SLC35F1: variants seen among roughly 807,000 people sequenced by gnomAD.
The protein encoded by SLC35F1 is solute carrier family 35 member F1.
Under a neutral mutation model 48.7 loss-of-function variants are expected in SLC35F1, and 14 were observed. The ratio of observed to expected loss-of-function variants is 0.29; its 90% CI spans 0.19 to 0.45. The LOEUF is 0.45. SLC35F1 is among the 20% of genes least tolerant of loss of function. SLC35F1 has a pLI of 1.00. For synonymous variants in SLC35F1, 190 were observed against 202.2 expected (o/e 0.94, Z 0.51); for missense variants, 404 against 500.0 (o/e 0.81, Z 1.83).
chr6:117,919,190 C>T (rs991525410), intron 1 of SLC35F1, among the ~76,000 whole-genome samples: 3 of 152,138 alleles, frequency 2.0e-5, no homozygotes, highest in Admixed American at 6.5e-5. Context: ...GCCATCACAC[C>T]TGGTGATGAG....
intron 2 of SLC35F1, among the ~76,000 whole-genome samples, chr6:118,235,168 G>A (rs1775346056): frequency 6.6e-6 from 1 of 152,134 alleles, no homozygotes; most frequent in South Asian, 2.1e-4. Flanking sequence ...GGAATGTTGT[G>A]TTTATGCAGC....
chr6:118,095,925 T>C (rs1216198304), intron 1 of SLC35F1, among the ~76,000 whole-genome samples: 3 of 152,176 alleles, frequency 2.0e-5, no homozygotes, highest in African/African-American at 7.2e-5. Context: ...CTTTGACTTG[T>C]CTTCATTATT....
chr6:118,034,472 C>T (rs980004930), intron 1 of SLC35F1, among the ~76,000 whole-genome samples: 6 of 152,026 alleles, frequency 3.9e-5, no homozygotes, highest in East Asian at 1.9e-4. Context: ...GAAGAAGAAT[C>T]GCTTGAACCT....
chr6:117,922,579 T>G (rs1289798090), intron 1 of SLC35F1, among the ~76,000 whole-genome samples: 1 of 152,228 alleles, frequency 6.6e-6, no homozygotes, highest in Non-Finnish European at 1.5e-5. Flanking sequence ...ATTTAGTTAA[T>G]CAGTTATTAT....
At position 118,299,391 on chromosome 6, in the gene SLC35F1, C is replaced by T. The variant is rs960817304; in HGVS notation, c.1002+14053C>T. ...CCAGCTCCACTTCCTACCAATGGGT[C>T]CATAAATTTGTTGTGCCATGGCTCA... On this transcript the variant is annotated intron_variant, in intron 7 of 7. Transcript: ENST00000360388. Among the ~76,000 whole-genome samples the T allele has an allele frequency of 3.9e-5, 6 of 152,060 alleles. No individual in the cohort carries two copies. In the East Asian group the frequency reaches 9.6e-4, roughly 24 times the overall value.
intron 1 of SLC35F1, among the ~76,000 whole-genome samples, chr6:118,002,165 G>A (rs573260632): frequency 4.0e-5 from 6 of 150,340 alleles, no homozygotes; most frequent in East Asian, 1.9e-4. Flanking sequence ...TGTTTATTGC[G>A]GCACTATTCA....
intron 1 of SLC35F1, among the ~76,000 whole-genome samples, chr6:117,927,425 C>A (rs562416104): frequency 6.6e-6 from 1 of 152,222 alleles, no homozygotes; most frequent in South Asian, 2.1e-4. Flanking sequence ...AAGTAAAAAT[C>A]AAGACAAAAC....
At chr6:117,929,121 C>G (rs1287465378) in intron 1 of SLC35F1, among the ~76,000 whole-genome samples, 1 of 151,984 alleles carries the variant, frequency 6.6e-6, no homozygotes, top group African/African-American at 2.4e-5. Flanking sequence ...TTCCTTTTGA[C>G]CAACTCTTCT....
chr6:118,152,019 G>A (rs978300308), intron 1 of SLC35F1, among the ~76,000 whole-genome samples: 1 of 152,164 alleles, frequency 6.6e-6, no homozygotes, highest in East Asian at 1.9e-4. Context: ...CATGGTACAG[G>A]CATCACAGTC....
intron 1 of SLC35F1, among the ~76,000 whole-genome samples, chr6:118,116,415 A>T (rs1773477034): frequency 6.6e-6 from 1 of 152,220 alleles, no homozygotes; most frequent in Non-Finnish European, 1.5e-5. Context: ...TATAGAATAA[A>T]TGCAAGTGTG....
chr6:118,300,681 GTC>G (rs1483553562), intron 7 of SLC35F1, among the ~76,000 whole-genome samples: 1 of 152,080 alleles, frequency 6.6e-6, no homozygotes, highest in Non-Finnish European at 1.5e-5. Context: ...GAACAAAAAA[GTC>G]TAAGTTTTTC....
chr6:118,100,472 C>T (rs147851777), intron 1 of SLC35F1, among the ~76,000 whole-genome samples: 5 of 152,290 alleles, frequency 3.3e-5, no homozygotes, highest in Non-Finnish European at 5.9e-5. Context: ...CAGTAATTCA[C>T]TGGAACCACT....
intron 7 of SLC35F1, among the ~76,000 whole-genome samples, chr6:118,302,664 T>A (rs1246395425): frequency 1.3e-5 from 2 of 152,214 alleles, no homozygotes; most frequent in African/African-American, 4.8e-5. Context: ...AAGTTCACTT[T>A]GTTTTCAAGT....
chr6:117,984,213 C>G (rs553920136), intron 1 of SLC35F1, among the ~76,000 whole-genome samples: 33 of 152,186 alleles, frequency 2.2e-4, no homozygotes, highest in African/African-American at 7.7e-4. Context: ...TGTTTTTATA[C>G]AGCTTGCAAG....
At chr6:118,112,000 C>T (rs146720817) in intron 1 of SLC35F1, among the ~76,000 whole-genome samples, 1 of 152,320 alleles carries the variant, frequency 6.6e-6, no homozygotes, top group East Asian at 1.9e-4. Context: ...GTTTTCTAAA[C>T]AGACCCAGAT....
intron 3 of SLC35F1, among the ~76,000 whole-genome samples, chr6:118,261,125 T>A (rs185959357): frequency 5.9e-4 from 90 of 152,322 alleles, no homozygotes; most frequent in African/African-American, 2.0e-3. Flanking sequence ...TCAAAATTGA[T>A]GCAAAGTGAT....
chr6:118,285,540 C>A (rs1168812494), intron 7 of SLC35F1, among the ~76,000 whole-genome samples: 1 of 152,208 alleles, frequency 6.6e-6, no homozygotes, highest in East Asian at 1.9e-4. Flanking sequence ...TAACTATGGA[C>A]AATTGATAGG....
chr6:118,005,392 A>ACCATAGTG (rs758691992), intron 1 of SLC35F1, among the ~76,000 whole-genome samples: 2 of 152,092 alleles, frequency 1.3e-5, no homozygotes, highest in Non-Finnish European at 2.9e-5. Flanking sequence ...TAGACTTGAA[A>ACCATAGTG]CCATAGTGTC....
intron 2 of SLC35F1, among the ~76,000 whole-genome samples, chr6:118,232,942 G>A (rs1775312910): frequency 6.6e-6 from 1 of 151,570 alleles, no homozygotes; most frequent in South Asian, 2.1e-4. Flanking sequence ...TCTAGAAGGG[G>A]GGCTGGTCCC....
Sources: allele counts gnomAD v4.1 joint callset (sites outside exome capture counted in the v4.1 genomes callset), GRCh38; gene constraint gnomAD v4.1.1; transcripts MANE v1.5; gene names NCBI Gene and HGNC (gene_info 2026-07-23, HGNC 2026-07-21).